Variants in KLRF1 observed in about 807,000 individuals in gnomAD.
KLRF1 encodes the protein killer cell lectin-like receptor subfamily F member 1.
A neutral mutation model predicts 30.7 loss-of-function variants in KLRF1; 27 were observed. The ratio of observed to expected loss-of-function variants is 0.88; its 90% confidence interval spans 0.65 to 1.21. The LOEUF is 1.21. KLRF1 is among the 50% of genes most tolerant of loss of function. The pLI is 0.00. For synonymous variants in KLRF1, 92 were observed against 89.3 expected, an observed-to-expected ratio of 1.03 and a Z score of -0.17; for missense variants, 246 against 259.3, an observed-to-expected ratio of 0.95 and a Z score of 0.35.
At chr12:9,823,162 C>T (rs1867245696), upstream of KLRF1, among the ~76,000 whole-genome samples, 1 of 151,378 alleles carries the variant, frequency 6.6e-6, no homozygotes. Context: ...CTTCTCATTG[C>T]CACATGCCAC....
the KLRF1 span, among the ~76,000 whole-genome samples, chr12:9,804,604 G>A: frequency 5.3e-5 from 8 of 152,046 alleles, no homozygotes; most frequent in African/African-American, 1.4e-4. Context: ...GATTTAAATT[G>A]TATATGGTGT....
chr12:9,832,216 C>T lies in KLRF1; in HGVS notation c.86-100C>T, dbSNP rs1867444466. 9.7e-6 allele frequency: 6 copies of T among 619,422 alleles called. No individual in the cohort carries two copies. In the South Asian group the frequency reaches 1.5e-4, roughly 15 times the overall value. The allele number at this position is 619,422 out of a possible 1,614,324, so 38.4% of individuals were successfully genotyped here. On this transcript the variant is annotated intron_variant, in intron 1 of 5. Coordinates refer to ENST00000617889, the MANE Select transcript of KLRF1 (RefSeq NM_016523.3). ...TTTGATTGCCTAATATCTTTTGAAACCAAAACTAATATTTTATACAATCCT... is the reference window on the plus strand; with the variant it reads ...TTTGATTGCCTAATATCTTTTGAAATCAAAACTAATATTTTATACAATCCT...
the KLRF1 span, among the ~76,000 whole-genome samples, chr12:9,816,767 T>C: frequency 0.014 from 2,013 of 148,206 alleles, 34 homozygotes; most frequent in South Asian, 0.027. Context: ...GGAGTCTCAC[T>C]CTGTCTCCCA....
intron 3 of KLRF1, among the ~76,000 whole-genome samples, chr12:9,841,219 C>A (rs892848961): frequency 1.3e-5 from 2 of 152,006 alleles, no homozygotes; most frequent in Non-Finnish European, 2.9e-5. Flanking sequence ...GAACAGAAAG[C>A]CAAACATTGC....
At chr12:9,819,640 G>GCTAGC in the KLRF1 span, among the ~76,000 whole-genome samples, 2 of 152,124 alleles carry the variant, frequency 1.3e-5, no homozygotes, top group Non-Finnish European at 2.9e-5. Flanking sequence ...CTGGCAACAG[G>GCTAGC]TCTGTACCCC....
At position 9,827,553 on chromosome 12, in the gene KLRF1, T is replaced by G. The variant is rs777636863; in HGVS notation, c.9T>G (p.Asp3Glu). MQ[D>E]EERYMTLNVQ... ...ATTCACTCACATTGAAGATGCAAGA[T>G]GAAGAAAGATACATGACATTGAATG... Residue 3 changes from aspartate (D) to glutamate (E), a missense_variant, in exon 1 of 6, where the codon GAT (aspartate) becomes GAG (glutamate). Transcript: ENST00000617889. The G allele has an allele frequency of 5.0e-6, 8 of 1,599,466 alleles. No homozygotes were observed. The Admixed American group carries it at 1.3e-4, about 27-fold the overall frequency.
chr12:9,800,324 A>G, the KLRF1 span, among the ~76,000 whole-genome samples: 1 of 152,058 alleles, frequency 6.6e-6, no homozygotes, highest in Non-Finnish European at 1.5e-5. Context: ...TTAAATTTCA[A>G]TAGCTTTTGG....
At chr12:9,816,660 C>T in the KLRF1 span, among the ~76,000 whole-genome samples, 1 of 151,476 alleles carries the variant, frequency 6.6e-6, no homozygotes, top group South Asian at 2.1e-4. Context: ...TCTTTCCTGT[C>T]TAGGTAGATG....
rs756548073 is a variant in KLRF1, at chr12:9,829,864, A to G, written c.85+2235A>G. On this transcript the variant is annotated intron_variant, in intron 1 of 5. Transcript: ENST00000617889. ...AAAATTTACCATTTTGTATTTCTAT[A>G]TTTCCAGTGTTTACTTAGCTATTCT... 3.3e-4 allele frequency among the ~76,000 whole-genome samples: 50 copies of G among 152,314 alleles called. 1 individual carries two copies. Among genetic ancestry groups the G allele is most frequent in the African/African-American group, 1.2e-3 (49 of 41,572 alleles).
intron 3 of KLRF1, among the ~76,000 whole-genome samples, chr12:9,834,332 C>T (rs1867521221): frequency 6.6e-6 from 1 of 151,960 alleles, no homozygotes; most frequent in Non-Finnish European, 1.5e-5. Flanking sequence ...GGCTCAGAGG[C>T]CTGACAGTCC....
At chr12:9,830,731 C>G (rs1372785099) in intron 1 of KLRF1, among the ~76,000 whole-genome samples, 1 of 151,698 alleles carries the variant, frequency 6.6e-6, no homozygotes, top group Non-Finnish European at 1.5e-5. Flanking sequence ...ATAAACCAAT[C>G]ATGGTTATAA....
upstream of KLRF1, among the ~76,000 whole-genome samples, chr12:9,825,448 G>T (rs979637131): frequency 1.3e-5 from 2 of 152,094 alleles, no homozygotes; most frequent in Admixed American, 1.3e-4. Context: ...TGAGATAACT[G>T]GCTAGCCACA....
the KLRF1 span, among the ~76,000 whole-genome samples, chr12:9,810,057 T>C: frequency 6.6e-6 from 1 of 152,310 alleles, no homozygotes; most frequent in East Asian, 1.9e-4. Flanking sequence ...GAGTTGTGAA[T>C]GACAACATCT....
At chr12:9,818,951 C>G in the KLRF1 span, among the ~76,000 whole-genome samples, 52 of 152,264 alleles carry the variant, frequency 3.4e-4, no homozygotes, top group South Asian at 0.01. Flanking sequence ...CAACTCAATC[C>G]GTGGAGGATG....
At position 9,844,534 on chromosome 12, in the gene KLRF1, C is replaced by CA; in HGVS notation, c.*12dup. 7.1e-7 allele frequency: 1 copy of CA among 1,413,244 alleles called. No homozygotes were observed. The highest frequency in any genetic ancestry group is 1.0e-6 in the Non-Finnish European group (1 of 1,002,814). 87.5% of individuals were successfully genotyped at this position (1,413,244 alleles called of 1,614,324 possible). A position where few individuals can be genotyped will look rare whatever the true frequency, so the allele number is the denominator to read the frequency against. ...TGGATTTGTCAGTATTAGAGTTTGACAAAATTCACAGTGAAATAATCAATG... is the reference window on the plus strand; with the variant it reads ...TGGATTTGTCAGTATTAGAGTTTGACAAAAATTCACAGTGAAATAATCAATG... On this transcript the variant is annotated 3_prime_UTR_variant, in exon 6 of 6. Coordinates refer to ENST00000617889, the MANE Select transcript of KLRF1 (RefSeq NM_016523.3).
intron 3 of KLRF1, among the ~76,000 whole-genome samples, chr12:9,837,413 T>G (rs1867602489): frequency 1.3e-5 from 2 of 151,938 alleles, no homozygotes; most frequent in Non-Finnish European, 2.9e-5. Flanking sequence ...TATAGTTTTA[T>G]GTATATCTGT....
chr12:9,809,346 T>C, the KLRF1 span, among the ~76,000 whole-genome samples: 3 of 152,168 alleles, frequency 2.0e-5, no homozygotes, highest in South Asian at 6.2e-4. Flanking sequence ...TTCTTTGAAA[T>C]AATTTTTATG....
intron 1 of KLRF1, among the ~76,000 whole-genome samples, chr12:9,828,638 A>G (rs1274342029): frequency 6.6e-6 from 1 of 152,136 alleles, no homozygotes; most frequent in Non-Finnish European, 1.5e-5. Flanking sequence ...TCTTTTAATA[A>G]CTTCACCCAT....
chr12:9,820,115 C>T, the KLRF1 span, among the ~76,000 whole-genome samples: 2 of 152,084 alleles, frequency 1.3e-5, no homozygotes, highest in African/African-American at 4.8e-5. Context: ...TGGGTGTGAC[C>T]ACCCAACTGG....
Sources: allele counts gnomAD v4.1 joint callset (sites outside exome capture counted in the v4.1 genomes callset), GRCh38; gene constraint gnomAD v4.1.1; transcripts MANE v1.5; gene names NCBI Gene and HGNC (gene_info 2026-07-23, HGNC 2026-07-21).